FHOD3: variants seen among roughly 807,000 people sequenced by gnomAD.
The protein encoded by FHOD3 is formin homology 2 domain containing 3, also known as FH1/FH2 domain-containing protein 3.
FHOD3 carries 90 observed loss-of-function variants against 173.0 expected under a neutral mutation model. The observed-to-expected ratio is 0.52, with a 90% CI of 0.44 to 0.62. FHOD3 has a LOEUF of 0.62. FHOD3 is among the 20% of genes least tolerant of loss of function. FHOD3 has a pLI of 0.00. For synonymous variants in FHOD3, 828 were observed against 823.0 expected (o/e 1.01, Z -0.10); for missense variants, 1,945 against 2,034.7 (o/e 0.96, Z 0.85).
chr18:36,427,413 C>T (rs1258693508), intron 3 of FHOD3, among the ~76,000 whole-genome samples: 1 of 152,130 alleles, frequency 6.6e-6, no homozygotes, highest in African/African-American at 2.4e-5. Context: ...CAGGCGGCCC[C>T]TCTCCATCCC....
At chr18:36,424,534 C>T (rs547731725) in intron 3 of FHOD3, among the ~76,000 whole-genome samples, 1 of 152,266 alleles carries the variant, frequency 6.6e-6, no homozygotes, top group African/African-American at 2.4e-5. Context: ...CTGTGGTGTC[C>T]TCAGCACCTA....
intron 5 of FHOD3, among the ~76,000 whole-genome samples, chr18:36,528,534 C>T (rs1248627631): frequency 2.0e-5 from 3 of 152,156 alleles, no homozygotes; most frequent in Non-Finnish European, 4.4e-5. Context: ...CCTTGTCCCT[C>T]GCTTCAAGGT....
At chr18:36,526,476 A>G (rs2056520691) in intron 5 of FHOD3, among the ~76,000 whole-genome samples, 1 of 151,696 alleles carries the variant, frequency 6.6e-6, no homozygotes, top group Non-Finnish European at 1.5e-5. Context: ...CCCCAACTGG[A>G]GTGCAGTGGC....
intron 18 of FHOD3, chr18:36,709,714 C>T: frequency 3.1e-6 from 1 of 317,680 alleles, no homozygotes; most frequent in Non-Finnish European, 5.8e-6. Flanking sequence ...TCACTTCCCC[C>T]TGACTGTTCC....
At position 36,718,083 on chromosome 18, in the gene FHOD3, G is replaced by A. The variant is rs764770035; in HGVS notation, c.2785G>A (p.Gly929Ser). The A allele has an allele frequency of 2.5e-5, 40 of 1,598,288 alleles. No individual in the cohort carries two copies. Among genetic ancestry groups the A allele is most frequent in the South Asian group, 1.2e-4 (11 of 88,132 alleles). Residue 929 changes from glycine (G) to serine (S), a missense_variant, in exon 19 of 29, where the codon GGC becomes AGC. By Grantham distance (56) the Gly-to-Ser change is moderately conservative. Around this residue, in one of 5 missense-constraint regions of FHOD3, gnomAD observed 1,099 missense variants for 1,051.2 expected, o/e 1.05. Coordinates refer to ENST00000590592, the MANE Select transcript of FHOD3 (RefSeq NM_001281740.3). ...QDESVRRVDV[G>S]CLDNRGSVKA... ...TGAGAGTGTCAGGAGGGTGGATGTCGGCTGTTTGGACAATCGGGGCAGTGT... is the reference window on the plus strand; with the variant it reads ...TGAGAGTGTCAGGAGGGTGGATGTCAGCTGTTTGGACAATCGGGGCAGTGT...
intron 27 of FHOD3, among the ~76,000 whole-genome samples, chr18:36,768,306 CT>C (rs1360130233): frequency 6.6e-6 from 1 of 152,238 alleles, no homozygotes; most frequent in East Asian, 1.9e-4. Context: ...TAATTTCTAA[CT>C]GTTTAACACT....
intron 1 of FHOD3, among the ~76,000 whole-genome samples, chr18:36,341,566 G>A (rs774691485): frequency 7.2e-5 from 11 of 152,158 alleles, no homozygotes; most frequent in Non-Finnish European, 1.5e-4. Context: ...AGAGCTAATA[G>A]TAGTTTCATT....
At chr18:36,402,308 G>T (rs746166002) in intron 3 of FHOD3, among the ~76,000 whole-genome samples, 1 of 152,016 alleles carries the variant, frequency 6.6e-6, no homozygotes, top group African/African-American at 2.4e-5. Context: ...AGATTAATAC[G>T]CTGATGACAG....
At chr18:36,656,713 C>G (rs2036450348) in intron 13 of FHOD3, among the ~76,000 whole-genome samples, 1 of 151,886 alleles carries the variant, frequency 6.6e-6, no homozygotes, top group African/African-American at 2.4e-5. Context: ...ATATTATATC[C>G]TGATGTTTTC....
chr18:36,391,890 G>A (rs1027870974), intron 3 of FHOD3, among the ~76,000 whole-genome samples: 2 of 152,174 alleles, frequency 1.3e-5, no homozygotes, highest in African/African-American at 2.4e-5. Flanking sequence ...CTTAGGCTCT[G>A]CTCAAATGTC....
chr18:36,730,632 T>G lies in FHOD3; in HGVS notation c.3418-14T>G. On this transcript the variant is annotated splice_polypyrimidine_tract_variant and intron_variant, in intron 19 of 28. Coordinates refer to ENST00000590592, the MANE Select transcript of FHOD3 (RefSeq NM_001281740.3). ...TGATGCATTAATCTTGGATTCTCCT[T>G]TTTTATCACTAAGAAAACTGCTGCA... 3 of 1,608,300 alleles carry G rather than the reference T, an allele frequency of 1.9e-6. No homozygotes were observed.
At chr18:36,530,833 A>G (rs2056751015) in intron 5 of FHOD3, among the ~76,000 whole-genome samples, 1 of 152,194 alleles carries the variant, frequency 6.6e-6, no homozygotes, top group Non-Finnish European at 1.5e-5. Flanking sequence ...GGAGTCTTGC[A>G]TTCATCCTGG....
chr18:36,353,392 T>C (rs1366085869), intron 1 of FHOD3, among the ~76,000 whole-genome samples: 1 of 152,224 alleles, frequency 6.6e-6, no homozygotes, highest in South Asian at 2.1e-4. Flanking sequence ...CAGCCTGTTA[T>C]AGATGCTGCT....
intron 3 of FHOD3, among the ~76,000 whole-genome samples, chr18:36,406,649 C>T (rs1189844685): frequency 6.6e-6 from 1 of 152,124 alleles, no homozygotes; most frequent in Non-Finnish European, 1.5e-5. Flanking sequence ...AGATGAGCTG[C>T]CCTTGGGGAC....
chr18:36,341,174 T>C (rs1487595685), intron 1 of FHOD3, among the ~76,000 whole-genome samples: 4 of 152,210 alleles, frequency 2.6e-5, no homozygotes, highest in Non-Finnish European at 5.9e-5. Flanking sequence ...GATGAAATAA[T>C]AATAGTGCCA....
intron 1 of FHOD3, among the ~76,000 whole-genome samples, chr18:36,341,894 G>A (rs2045642310): frequency 6.6e-6 from 1 of 152,002 alleles, no homozygotes; most frequent in Admixed American, 6.6e-5. Context: ...CCAGAGTCAT[G>A]ACCAAGAAAA....
chr18:36,685,292 A>G (rs2038531755), intron 15 of FHOD3, among the ~76,000 whole-genome samples: 1 of 152,198 alleles, frequency 6.6e-6, no homozygotes, highest in Non-Finnish European at 1.5e-5. Context: ...TCCTCCACTC[A>G]TCCAAAATGA....
intron 5 of FHOD3, among the ~76,000 whole-genome samples, chr18:36,523,992 T>G (rs1355597271): frequency 6.6e-6 from 1 of 152,102 alleles, no homozygotes; most frequent in Non-Finnish European, 1.5e-5. Flanking sequence ...TTAAGAGGCT[T>G]GTATTCGGCT....
In FHOD3 at chr18:36,482,837, ACACACACACT is replaced by A. The variant is rs1338569820; in HGVS notation, c.338-19085_338-19076del. Among the ~76,000 whole-genome samples the A allele has an allele frequency of 5.0e-3, 398 of 79,352 alleles. 3 individuals carry two copies. The highest frequency in any genetic ancestry group is 0.021 in the African/African-American group (378 of 18,406). The allele number at this position is 79,352 out of a possible 152,430, so 52.1% of individuals were successfully genotyped here. A position where few individuals can be genotyped will look rare whatever the true frequency, so the allele number is the denominator to read the frequency against. ...CCGGTGAACAAACACACACACACAC[ACACACACACT>A]CACACACACACAGAGAGAGAGAGAG... On this transcript the variant is annotated intron_variant, in intron 3 of 28. Coordinates refer to ENST00000590592, the MANE Select transcript of FHOD3 (RefSeq NM_001281740.3).
Sources: allele counts gnomAD v4.1 joint callset (sites outside exome capture counted in the v4.1 genomes callset), GRCh38; gene constraint gnomAD v4.1.1; regional missense constraint gnomAD v4.1.1; transcripts MANE v1.5; gene names NCBI Gene and HGNC (gene_info 2026-07-23, HGNC 2026-07-21).